Variants in PHF21B observed in about 807,000 individuals in gnomAD.
PHF21B encodes the protein PHD finger protein 4.
In PHF21B, 22 loss-of-function variants were observed where a neutral mutation model predicts 62.2. The ratio of observed to expected loss-of-function variants is 0.35; its 90% CI spans 0.25 to 0.51. The LOEUF is 0.51. Among genes scored for constraint, PHF21B ranks in the 20% least tolerant of loss-of-function variants. PHF21B has a pLI of 0.97. For missense variants in PHF21B, 701 were observed against 707.9 expected (o/e 0.99, Z 0.11); for synonymous variants, 341 against 314.7 (o/e 1.08, Z -0.88).
chr22:44,964,504 C>T (rs866605183), intron 2 of PHF21B, among the ~76,000 whole-genome samples: 9 of 152,246 alleles, frequency 5.9e-5, no homozygotes, highest in Admixed American at 5.2e-4. Flanking sequence ...AAACAACAGC[C>T]CCTGACTCGG....
intron 9 of PHF21B, among the ~76,000 whole-genome samples, chr22:44,889,177 A>T (rs1390767729): frequency 6.6e-6 from 1 of 152,020 alleles, no homozygotes; most frequent in African/African-American, 2.4e-5. Flanking sequence ...TCAGAAATTC[A>T]GTGAAGAAAA....
chr22:44,948,331 G>A (rs770467277), intron 2 of PHF21B, among the ~76,000 whole-genome samples: 1 of 152,140 alleles, frequency 6.6e-6, no homozygotes, highest in African/African-American at 2.4e-5. Flanking sequence ...CACCCTAAAT[G>A]TGTTGCTTAT....
At chr22:44,932,476 G>A (rs1287120755) in intron 2 of PHF21B, among the ~76,000 whole-genome samples, 1 of 152,210 alleles carries the variant, frequency 6.6e-6, no homozygotes, top group Non-Finnish European at 1.5e-5. Context: ...CACAGTAGCA[G>A]CAAAATCCAA....
At chr22:45,004,167 T>C (rs1188435313) in intron 2 of PHF21B, among the ~76,000 whole-genome samples, 1 of 152,244 alleles carries the variant, frequency 6.6e-6, no homozygotes, top group African/African-American at 2.4e-5. Flanking sequence ...TAGTGAAGGC[T>C]GTACAGATCT....
In PHF21B at chr22:44,908,277, C is replaced by T. The variant is rs971397829; in HGVS notation, c.831+5545G>A. Reference sequence around the variant, plus strand: ...GAGGATCAGTGCCTCTGGGCCTCAGCGTCCCCATCTGTACCATGGGCTAAC... The same window carrying T: ...GAGGATCAGTGCCTCTGGGCCTCAGTGTCCCCATCTGTACCATGGGCTAAC... On this transcript the variant is annotated intron_variant, in intron 5 of 12. Transcript: ENST00000313237. 2.6e-5 allele frequency among the ~76,000 whole-genome samples: 4 copies of T among 152,134 alleles called. No individual in the cohort carries two copies. The East Asian group carries it at 5.8e-4, about 22-fold the overall frequency.
At chr22:44,997,305 A>C (rs1198697185) in intron 2 of PHF21B, among the ~76,000 whole-genome samples, 1 of 151,934 alleles carries the variant, frequency 6.6e-6, no homozygotes, top group Non-Finnish European at 1.5e-5. Flanking sequence ...GCCACTTCCC[A>C]TGCCTATGGC....
At chr22:44,975,315 T>A (rs2072716049) in intron 2 of PHF21B, among the ~76,000 whole-genome samples, 1 of 152,104 alleles carries the variant, frequency 6.6e-6, no homozygotes, top group Non-Finnish European at 1.5e-5. Context: ...GGACTCCCCC[T>A]CTGGCCACCG....
intron 2 of PHF21B, among the ~76,000 whole-genome samples, chr22:44,972,253 T>C (rs2147451430): frequency 6.6e-6 from 1 of 152,382 alleles, no homozygotes; most frequent in Middle Eastern, 3.4e-3. Context: ...ATCGCTTTGA[T>C]GTTGCTAATG....
At chr22:44,995,026 A>G (rs2073098033) in intron 2 of PHF21B, among the ~76,000 whole-genome samples, 1 of 152,208 alleles carries the variant, frequency 6.6e-6, no homozygotes, top group Non-Finnish European at 1.5e-5. Context: ...CCCGGCTCTC[A>G]GAGCTGTGTT....
At chr22:44,920,200 C>T (rs1159055116) in intron 3 of PHF21B, among the ~76,000 whole-genome samples, 198 bp downstream of exon 3, 3 of 152,206 alleles carry the variant, frequency 2.0e-5, no homozygotes, top group African/African-American at 7.2e-5. Context: ...TTCCCAATTC[C>T]TTGCTGAAGA....
chr22:44,884,549 C>A (rs374705721), intron 12 of PHF21B, among the ~76,000 whole-genome samples: 4 of 123,398 alleles, frequency 3.2e-5, no homozygotes, highest in Admixed American at 2.6e-4. Flanking sequence ...CCACCATCAC[C>A]ACAACCATGA....
chr22:44,902,782 T>C (rs766315849), intron 5 of PHF21B, among the ~76,000 whole-genome samples: 2 of 152,232 alleles, frequency 1.3e-5, no homozygotes, highest in Admixed American at 6.5e-5. Context: ...CTTTATGTTA[T>C]GGTAAAAATA....
intron 3 of PHF21B, among the ~76,000 whole-genome samples, chr22:44,919,847 C>A (rs2071502642): frequency 6.6e-6 from 1 of 152,210 alleles, no homozygotes; most frequent in Non-Finnish European, 1.5e-5. Context: ...GCACCTGCAC[C>A]AGTCCCTCTG....
intron 5 of PHF21B, among the ~76,000 whole-genome samples, chr22:44,906,128 C>T (rs2071245650): frequency 6.6e-6 from 1 of 152,180 alleles, no homozygotes; most frequent in South Asian, 2.1e-4. Flanking sequence ...GGGTCCCTGG[C>T]TGCCGTGTTT....
chr22:44,925,887 A>G (rs1601605745), intron 2 of PHF21B, among the ~76,000 whole-genome samples: 1 of 152,308 alleles, frequency 6.6e-6, no homozygotes, highest in African/African-American at 2.4e-5. Context: ...AGCCAGTGCC[A>G]TTTATGCAGC....
At position 44,916,594 on chromosome 22, in the gene PHF21B, C is replaced by T. The variant is rs138308961; in HGVS notation, c.250G>A (p.Val84Ile). 4.8e-3 allele frequency: 7,697 copies of T among 1,603,956 alleles called. 28 individuals carry two copies. The highest frequency in any genetic ancestry group is 7.4e-3 in the Middle Eastern group (45 of 6,054). The change falls in exon 4 of 13, where the codon GTT becomes ATT. Residue 84 changes from valine (V) to isoleucine (I), a missense_variant. By Grantham distance (29) the Val-to-Ile change is conservative. Transcript: ENST00000313237. The part of the protein sequence containing the change: ...PKTLIPDSLP[V>I]APGRDRPPKQ... ...GGTGGCCGGTCCCGGCCCGGGGCAA[C>T]GGGGAGGCTGTCTGGAATCAGAGTC... is the stretch of plus-strand genomic sequence containing the variant.
intron 2 of PHF21B, among the ~76,000 whole-genome samples, chr22:44,926,289 T>C: frequency 6.6e-6 from 1 of 152,218 alleles, no homozygotes; most frequent in East Asian, 1.9e-4. Flanking sequence ...CCGCGGTGGA[T>C]TCCCGAGGCA....
Position 44,916,283 on chromosome 22 carries a change from G to A in PHF21B, c.561C>T (p.Asn187=), listed in dbSNP as rs779861582. The change falls in exon 4 of 13, where the codon AAC becomes AAT. Residue 187 remains asparagine, a synonymous_variant. Transcript: ENST00000313237. ...KVQPLLISAD[N]KPPPRLLSSP... Reference sequence around the variant, plus strand: ...GAGCCTGCTGGTGGGCACTCACCTTGTTGTCAGCACTGATGAGGAGGGGCT... The same window carrying A: ...GAGCCTGCTGGTGGGCACTCACCTTATTGTCAGCACTGATGAGGAGGGGCT... The A allele has an allele frequency of 1.9e-6, 3 of 1,608,594 alleles. No homozygotes were observed. In the South Asian group the frequency reaches 3.3e-5, roughly 18 times the overall value.
In PHF21B at chr22:44,938,401, T is replaced by A. The variant is rs577586836; in HGVS notation, c.121-17911A>T. Among the ~76,000 whole-genome samples, 24 of 152,370 alleles carry A rather than the reference T, an allele frequency of 1.6e-4. No individual in the cohort carries two copies. The South Asian group carries it at 5.0e-3, about 32-fold the overall frequency. On this transcript the variant is annotated intron_variant, in intron 2 of 12. Transcript: ENST00000313237. ...GGCACCTGCCATCATGCATGGTTGA[T>A]TTTTGTATTTTTAGTAGAGACAGGG...
Sources: allele counts gnomAD v4.1 joint callset (sites outside exome capture counted in the v4.1 genomes callset), GRCh38; gene constraint gnomAD v4.1.1; transcripts MANE v1.5; gene names NCBI Gene and HGNC (gene_info 2026-07-23, HGNC 2026-07-21).